Variants in ZFPM2 observed in about 807,000 individuals in gnomAD.
ZFPM2 encodes the protein zinc finger protein, FOG family member 2, also known as zinc finger protein ZFPM2.
ZFPM2 carries 20 observed loss-of-function variants against 98.6 expected under a neutral mutation model. That is an observed-to-expected ratio of 0.20 (90% CI 0.14 to 0.29). ZFPM2 has a LOEUF of 0.29. Among genes scored for constraint, ZFPM2 ranks in the 10% least tolerant of loss-of-function variants. The probability of loss-of-function intolerance (pLI) is 1.00; values close to 1 mark genes in which losing one functional copy is unlikely to be tolerated. For synonymous variants in ZFPM2, 518 were observed against 502.7 expected, an observed-to-expected ratio of 1.03 and a Z score of -0.41; for missense variants, 1,310 against 1,388.6, an observed-to-expected ratio of 0.94 and a Z score of 0.90.
chr8:105,402,558 C>T (rs1811361459), intron 1 of ZFPM2, among the ~76,000 whole-genome samples: 1 of 151,838 alleles, frequency 6.6e-6, no homozygotes, highest in Non-Finnish European at 1.5e-5. Flanking sequence ...TCTTTTCAGC[C>T]CCACTTCCCT....
intron 2 of ZFPM2, among the ~76,000 whole-genome samples, chr8:105,437,809 C>T (rs1320522410): frequency 6.6e-6 from 1 of 151,988 alleles, no homozygotes; most frequent in Non-Finnish European, 1.5e-5. Context: ...TTAAGAGGCC[C>T]GGGTGAGTGG....
At chr8:105,341,260 A>G (rs1360187442) in intron 1 of ZFPM2, among the ~76,000 whole-genome samples, 1 of 151,884 alleles carries the variant, frequency 6.6e-6, no homozygotes, top group African/African-American at 2.4e-5. Flanking sequence ...ATGCACTTTG[A>G]TTTTTCAGAC....
intron 1 of ZFPM2, among the ~76,000 whole-genome samples, chr8:105,351,005 A>C (rs921619060): frequency 6.6e-6 from 1 of 152,030 alleles, no homozygotes; most frequent in African/African-American, 2.4e-5. Flanking sequence ...CAACATGGTG[A>C]AACCCCATCT....
chr8:105,728,515 A>G (rs116741146), intron 5 of ZFPM2, among the ~76,000 whole-genome samples: 300 of 151,870 alleles, frequency 2.0e-3, no homozygotes, highest in African/African-American at 6.8e-3. Context: ...GAAACTTCCA[A>G]TAAGAAATGA....
intron 3 of ZFPM2, among the ~76,000 whole-genome samples, chr8:105,528,673 A>G (rs963359011): frequency 6.6e-6 from 1 of 152,190 alleles, no homozygotes; most frequent in African/African-American, 2.4e-5. Context: ...TAGTTTGGGT[A>G]AATGGAATTC....
In ZFPM2 at chr8:105,733,056, G is replaced by A. The variant is rs184543373; in HGVS notation, c.533-55662G>A. On this transcript the variant is annotated intron_variant, in intron 5 of 7. Coordinates refer to ENST00000407775, the MANE Select transcript of ZFPM2 (RefSeq NM_012082.4). ...AAATTTTTATACCCATGTTAAGTCC[G>A]CTGTTCATACTAATGATTGGAATAT... 2.8e-3 allele frequency among the ~76,000 whole-genome samples: 421 copies of A among 151,870 alleles called. 3 individuals are homozygous for A. Among genetic ancestry groups the A allele is most frequent in the Non-Finnish European group, 3.6e-3 (244 of 67,862 alleles).
At chr8:105,683,551 C>T (rs1363366983) in intron 5 of ZFPM2, among the ~76,000 whole-genome samples, 1 of 152,102 alleles carries the variant, frequency 6.6e-6, no homozygotes, top group Non-Finnish European at 1.5e-5. Flanking sequence ...AGCAGCCATT[C>T]ACCAGCCACA....
rs189095721 is a variant in ZFPM2 at position 105,779,013 on chromosome 8, A to G, written c.533-9705A>G. Among the ~76,000 whole-genome samples, 600 of 152,168 alleles carry G rather than the reference A, an allele frequency of 3.9e-3. 5 individuals are homozygous for G. The highest frequency in any genetic ancestry group is 0.013 in the African/African-American group (523 of 41,520). On this transcript the variant is annotated intron_variant, in intron 5 of 7. Transcript: ENST00000407775. ...CCCAGAATTTCTAGTCTAAAAAAAGAGAAATGAGACTTAATGGCGATGCTA... is the reference window on the plus strand; with the variant it reads ...CCCAGAATTTCTAGTCTAAAAAAAGGGAAATGAGACTTAATGGCGATGCTA...
At chr8:105,386,449 G>A (rs556109339) in intron 1 of ZFPM2, among the ~76,000 whole-genome samples, 132 of 152,200 alleles carry the variant, frequency 8.7e-4, no homozygotes, top group Middle Eastern at 3.4e-3. Context: ...GTGGACCCTC[G>A]TGGTGAGTGT....
chr8:105,343,786 G>A (rs892475760), intron 1 of ZFPM2, among the ~76,000 whole-genome samples: 2 of 152,064 alleles, frequency 1.3e-5, no homozygotes, highest in Non-Finnish European at 2.9e-5. Flanking sequence ...ACAGGAGTAG[G>A]TTTCTGAGTG....
At chr8:105,446,929 TA>T (rs1202350085) in intron 3 of ZFPM2, among the ~76,000 whole-genome samples, 1 of 152,068 alleles carries the variant, frequency 6.6e-6, no homozygotes, top group African/African-American at 2.4e-5. Context: ...AGGGAGAAAG[TA>T]GGGGGTATTT....
chr8:105,520,304 G>A (rs1325855568), intron 3 of ZFPM2, among the ~76,000 whole-genome samples: 1 of 151,984 alleles, frequency 6.6e-6, no homozygotes, highest in Non-Finnish European at 1.5e-5. Context: ...ATGTGTAAAG[G>A]AATCATGACA....
chr8:105,366,829 G>C (rs1473007074), intron 1 of ZFPM2, among the ~76,000 whole-genome samples: 1 of 151,402 alleles, frequency 6.6e-6, no homozygotes, highest in African/African-American at 2.4e-5. Flanking sequence ...TAATGCCTAG[G>C]TTTTCTTCTA....
intron 4 of ZFPM2, among the ~76,000 whole-genome samples, chr8:105,609,000 C>A (rs969401844): frequency 2.6e-5 from 4 of 151,618 alleles, no homozygotes; most frequent in Non-Finnish European, 5.9e-5. Context: ...AAAGAAGAGA[C>A]ACATGGAATA....
intron 4 of ZFPM2, among the ~76,000 whole-genome samples, chr8:105,600,230 C>T (rs1239906317): frequency 1.3e-5 from 2 of 151,960 alleles, no homozygotes; most frequent in Admixed American, 6.6e-5. Flanking sequence ...AAAATACACC[C>T]GAAAGCTCCC....
At chr8:105,391,715 T>A (rs900514139) in intron 1 of ZFPM2, among the ~76,000 whole-genome samples, 2 of 152,222 alleles carry the variant, frequency 1.3e-5, no homozygotes, top group African/African-American at 4.8e-5. Flanking sequence ...TTAAAGTTTG[T>A]CATGAGATTG....
At chr8:105,685,632 G>T (rs1180970800) in intron 5 of ZFPM2, 1 of 151,898 alleles carries the variant, frequency 6.6e-6, no homozygotes, top group Non-Finnish European at 1.5e-5. Context: ...CAGTCTTTCG[G>T]CAGCTTCTCT....
chr8:105,624,978 A>G (rs928916622), intron 4 of ZFPM2, among the ~76,000 whole-genome samples: 1 of 152,198 alleles, frequency 6.6e-6, no homozygotes, highest in African/African-American at 2.4e-5. Context: ...ACTCGAAGAC[A>G]TTTGTTAGCA....
intron 2 of ZFPM2, among the ~76,000 whole-genome samples, chr8:105,432,791 A>G (rs1452696061): frequency 6.6e-6 from 1 of 152,226 alleles, no homozygotes; most frequent in Non-Finnish European, 1.5e-5. Flanking sequence ...TATAAATTTT[A>G]GAAACATAGT....
Sources: gnomAD v4.1 joint callset for allele counts (sites outside exome capture counted in the v4.1 genomes callset) on GRCh38, gnomAD v4.1.1 for gene constraint, MANE v1.5 for transcripts, NCBI Gene and HGNC (gene_info 2026-07-23, HGNC 2026-07-21) for gene names.